Variants in DGKG observed in about 807,000 individuals in gnomAD.
The protein encoded by DGKG is diacylglycerol kinase gamma.
Under a neutral mutation model 105.3 loss-of-function variants are expected in DGKG, and 78 were observed. The ratio of observed to expected loss-of-function variants is 0.74; its 90% confidence interval spans 0.62 to 0.89. The LOEUF is 0.89. DGKG is among the 40% of genes least tolerant of loss of function. DGKG has a pLI of 0.00. For synonymous variants in DGKG, 346 were observed against 367.1 expected, an observed-to-expected ratio of 0.94 and a Z score of 0.66; for missense variants, 958 against 1,020.1, an observed-to-expected ratio of 0.94 and a Z score of 0.83.
At chr3:186,282,037 T>G (rs980744213) in intron 7 of DGKG, among the ~76,000 whole-genome samples, 3 of 152,156 alleles carry the variant, frequency 2.0e-5, no homozygotes, top group Non-Finnish European at 4.4e-5. Flanking sequence ...AATTTTAGCT[T>G]GGAGAAGATT....
intron 21 of DGKG, among the ~76,000 whole-genome samples, chr3:186,199,833 G>A (rs1718363034): frequency 6.6e-6 from 1 of 152,130 alleles, no homozygotes; most frequent in South Asian, 2.1e-4. Context: ...CATTTTTACA[G>A]ATGAGGAAAC....
chr3:186,237,967 A>G (rs1720495088), intron 20 of DGKG, among the ~76,000 whole-genome samples: 1 of 152,178 alleles, frequency 6.6e-6, no homozygotes, highest in South Asian at 2.1e-4. Context: ...GTTCTTAGTC[A>G]GGTTCCCCTT....
chr3:186,305,692 G>A (rs911564209), intron 3 of DGKG, among the ~76,000 whole-genome samples: 2 of 152,178 alleles, frequency 1.3e-5, no homozygotes, highest in African/African-American at 4.8e-5. Flanking sequence ...TGATGACTCA[G>A]GTCGGGATGC....
chr3:186,183,087 T>A (rs954114211), intron 22 of DGKG, among the ~76,000 whole-genome samples: 3 of 152,128 alleles, frequency 2.0e-5, no homozygotes, highest in African/African-American at 7.2e-5. Flanking sequence ...CAAGGAGTTG[T>A]GGAGCCTTTC....
At chr3:186,157,329 T>A (rs1055607712) in intron 24 of DGKG, among the ~76,000 whole-genome samples, 4 of 152,108 alleles carry the variant, frequency 2.6e-5, no homozygotes, top group African/African-American at 9.6e-5. Context: ...CTCATAGGGG[T>A]GAATGATTCT....
chr3:186,308,683 C>T (rs1484419280), intron 2 of DGKG, among the ~76,000 whole-genome samples: 4 of 152,138 alleles, frequency 2.6e-5, no homozygotes, highest in African/African-American at 9.7e-5. Context: ...TTCTGAAATT[C>T]AAAACAGATG....
chr3:186,289,367 A>ATAAT (rs1723215402), intron 5 of DGKG, among the ~76,000 whole-genome samples: 1 of 152,230 alleles, frequency 6.6e-6, no homozygotes, highest in African/African-American at 2.4e-5. Context: ...TTGATAATTA[A>ATAAT]CGAATCTCCA....
intron 20 of DGKG, among the ~76,000 whole-genome samples, chr3:186,230,962 A>G (rs192645389): frequency 1.5e-3 from 230 of 152,296 alleles, no homozygotes; most frequent in Non-Finnish European, 2.9e-3. Flanking sequence ...AGAGATTCCA[A>G]AACTACTCTC....
intron 23 of DGKG, 107 bp downstream of exon 23, chr3:186,164,791 G>A: frequency 7.7e-7 from 1 of 1,301,508 alleles, no homozygotes; most frequent in African/African-American, 1.5e-5. Context: ...AAGCTTTTGT[G>A]CTGCACTCTC....
intron 2 of DGKG, among the ~76,000 whole-genome samples, chr3:186,308,616 G>A (rs886596488): frequency 1.3e-5 from 2 of 152,272 alleles, no homozygotes; most frequent in Admixed American, 1.3e-4. Context: ...TTTCAGGATT[G>A]AGACATATTG....
At chr3:186,173,750 T>C (rs1716939197) in intron 22 of DGKG, among the ~76,000 whole-genome samples, 1 of 152,296 alleles carries the variant, frequency 6.6e-6, no homozygotes, top group Non-Finnish European at 1.5e-5. Flanking sequence ...GAAAAAAGCC[T>C]AGGGGTGGGG....
intron 1 of DGKG, among the ~76,000 whole-genome samples, chr3:186,357,796 C>T (rs1356558177): frequency 6.6e-6 from 1 of 152,240 alleles, no homozygotes; most frequent in East Asian, 1.9e-4. Flanking sequence ...ACTTTGCTTG[C>T]ACCAAGCTTA....
chr3:186,235,374 C>T (rs746681882), intron 20 of DGKG, among the ~76,000 whole-genome samples: 11 of 152,176 alleles, frequency 7.2e-5, no homozygotes, highest in Non-Finnish European at 1.2e-4. Flanking sequence ...CCTCTGGCTA[C>T]CTACAGCAGG....
intron 19 of DGKG, among the ~76,000 whole-genome samples, chr3:186,247,471 G>A (rs1720997760): frequency 6.6e-6 from 1 of 152,142 alleles, no homozygotes; most frequent in African/African-American, 2.4e-5. Context: ...GGCTCTCTTT[G>A]CCAGTGGAGT....
At position 186,226,656 on chromosome 3, in the gene DGKG, C is replaced by G. The variant is rs1363944694; in HGVS notation, c.1827-14771G>C. On this transcript the variant is annotated intron_variant, in intron 20 of 24. Coordinates refer to ENST00000265022, the MANE Select transcript of DGKG (RefSeq NM_001346.3). This position sits in a 1 kb window ranked among gnomAD's most constrained non-coding sequence, Gnocchi z 4.2. ...TAACCCAAAACTGGAGATTACAGAC[C>G]CGCTTTCAGCTTATTGAGTTCAAAG... Among the ~76,000 whole-genome samples the G allele has an allele frequency of 1.3e-5, 2 of 152,182 alleles. No homozygotes were observed. Among genetic ancestry groups the G allele is most frequent in the Non-Finnish European group, 2.9e-5 (2 of 68,028 alleles).
In DGKG at chr3:186,226,495, A is replaced by AG. The variant is rs35189770; in HGVS notation, c.1827-14611dup. Among the ~76,000 whole-genome samples, 47,783 of 152,024 alleles carry AG rather than the reference A, an allele frequency of 0.31. 9,732 individuals carry two copies. Among genetic ancestry groups the AG allele is most frequent in the East Asian group, 0.92 (4,746 of 5,156 alleles). On this transcript the variant is annotated intron_variant, in intron 20 of 24. Coordinates refer to ENST00000265022, the MANE Select transcript of DGKG (RefSeq NM_001346.3). This position sits in a 1 kb window ranked among gnomAD's most constrained non-coding sequence, Gnocchi z 4.2. ...CTCTCCCCACCCAAGTTCAGGGGCA[A>AG]GGTGGTACAGAAGAGGAAAGGGGGA...
chr3:186,153,893 G>T (rs147896396), intron 24 of DGKG, among the ~76,000 whole-genome samples: 2 of 152,222 alleles, frequency 1.3e-5, no homozygotes, highest in East Asian at 3.9e-4. Context: ...TCGCATGAGC[G>T]CAGGAGTTCA....
intron 3 of DGKG, among the ~76,000 whole-genome samples, chr3:186,304,667 C>T (rs528009085): frequency 6.6e-6 from 1 of 152,352 alleles, no homozygotes; most frequent in Admixed American, 6.5e-5. Context: ...ATAATAGGTA[C>T]AGATTTTTAA....
intron 3 of DGKG, among the ~76,000 whole-genome samples, chr3:186,301,803 A>G (rs1723934415): frequency 6.6e-6 from 1 of 152,172 alleles, no homozygotes; most frequent in Admixed American, 6.5e-5. Context: ...AGTCCAGTGG[A>G]CCATCCTGTG....
Sources: gnomAD v4.1 joint callset for allele counts (sites outside exome capture counted in the v4.1 genomes callset) on GRCh38, gnomAD v4.1.1 for gene constraint, Gnocchi (gnomAD v3.1) non-coding constraint, MANE v1.5 for transcripts, NCBI Gene and HGNC (gene_info 2026-07-23, HGNC 2026-07-21) for gene names.